The following PSD2 variants were observed in gnomAD, a reference collection of about 807,000 sequenced individuals.
PSD2 encodes pleckstrin and Sec7 domain containing 2, also known as PH and SEC7 domain-containing protein 2.
PSD2 carries 38 observed loss-of-function variants against 69.8 expected under a neutral mutation model. The ratio of observed to expected loss-of-function variants is 0.54; its 90% CI spans 0.42 to 0.71. PSD2 has a LOEUF of 0.71. Ranked by LOEUF, PSD2 falls within the 30% of genes least tolerant of loss-of-function variation. The pLI is 0.00. For synonymous variants in PSD2, 412 were observed against 423.0 expected (o/e 0.97, Z 0.32); for missense variants, 943 against 1,014.5 (o/e 0.93, Z 0.96).
chr5:139,770,401 C>G, the PSD2 span, among the ~76,000 whole-genome samples: 2 of 152,032 alleles, frequency 1.3e-5, no homozygotes, highest in African/African-American at 4.8e-5. Context: ...TACTAAAATA[C>G]AAAAATTAGC....
intron 7 of PSD2, among the ~76,000 whole-genome samples, chr5:139,824,394 G>GTTTTTTTTTTTTT (rs3055525): frequency 8.4e-6 from 1 of 119,430 alleles, no homozygotes; most frequent in Non-Finnish European, 1.7e-5. Context: ...TCTCTCTCTT[G>GTTTTTTTTTTTTT]TTTTTTTTTT....
the PSD2 span, among the ~76,000 whole-genome samples, chr5:139,781,336 CTCTT>C: frequency 6.6e-6 from 1 of 151,778 alleles, no homozygotes. Context: ...ACATATCTCT[CTCTT>C]TTTTTTTTTT....
the PSD2 span, among the ~76,000 whole-genome samples, chr5:139,761,720 C>T: frequency 6.6e-5 from 10 of 152,174 alleles, no homozygotes; most frequent in African/African-American, 2.2e-4. Flanking sequence ...TTAAATAGCC[C>T]ACCGGCCTCC....
At chr5:139,832,244 G>T (rs1339324180) in intron 7 of PSD2, among the ~76,000 whole-genome samples, 6 of 152,162 alleles carry the variant, frequency 3.9e-5, no homozygotes, top group African/African-American at 1.4e-4. Context: ...TACCAACATT[G>T]CCCTCATAAT....
the PSD2 span, among the ~76,000 whole-genome samples, chr5:139,771,580 G>T: frequency 3.9e-5 from 6 of 152,054 alleles, no homozygotes; most frequent in Admixed American, 2.0e-4. Context: ...GGGTTTCACC[G>T]TGTTAACTAG....
upstream of PSD2, among the ~76,000 whole-genome samples, chr5:139,795,629 C>T (rs951665556): frequency 6.6e-6 from 1 of 151,878 alleles, no homozygotes; most frequent in African/African-American, 2.4e-5. The surrounding 1 kb of genome is among the most constrained non-coding windows in gnomAD (Gnocchi z 4.5). Context: ...GCGCTCTCCC[C>T]GGCACGCTCG....
chr5:139,806,195 G>T (rs1303998786), intron 1 of PSD2, among the ~76,000 whole-genome samples: 2 of 152,258 alleles, frequency 1.3e-5, no homozygotes, highest in African/African-American at 4.8e-5. Context: ...CTTGGCCAAT[G>T]CCAGCCTGTC....
chr5:139,818,958 C>T (rs1387091575), intron 5 of PSD2, among the ~76,000 whole-genome samples: 1 of 152,188 alleles, frequency 6.6e-6, no homozygotes, highest in African/African-American at 2.4e-5. Context: ...ACCTTTCCCT[C>T]TCTTTTTTTG....
At chr5:139,838,562 G>A (rs1760794112) in intron 12 of PSD2, 66 bp from the exon 13 acceptor site, 4 of 1,562,522 alleles carry the variant, frequency 2.6e-6, no homozygotes, top group East Asian at 2.3e-5. Flanking sequence ...CTGGGTACGG[G>A]ATGCTGAGTA....
the PSD2 span, among the ~76,000 whole-genome samples, chr5:139,749,902 G>A: frequency 6.6e-6 from 1 of 152,234 alleles, no homozygotes; most frequent in Non-Finnish European, 1.5e-5. Context: ...ATGGTGGTGT[G>A]AGCATATAGT....
At chr5:139,773,423 T>C in the PSD2 span, among the ~76,000 whole-genome samples, 1 of 152,090 alleles carries the variant, frequency 6.6e-6, no homozygotes, top group Non-Finnish European at 1.5e-5. Flanking sequence ...CACCACACCC[T>C]GCTTTTTTTC....
At chr5:139,807,911 C>T (rs894082524) in intron 1 of PSD2, among the ~76,000 whole-genome samples, 12 of 152,210 alleles carry the variant, frequency 7.9e-5, no homozygotes, top group African/African-American at 2.4e-4. Context: ...GCTTCTGGTT[C>T]GGGAGGTCTG....
At chr5:139,841,640 G>T (rs562916265) in intron 14 of PSD2, among the ~76,000 whole-genome samples, 1 of 152,110 alleles carries the variant, frequency 6.6e-6, no homozygotes, top group African/African-American at 2.4e-5. Context: ...AGGGCACAAG[G>T]GTTCTGTCTA....
the PSD2 span, among the ~76,000 whole-genome samples, chr5:139,750,256 C>A: frequency 6.6e-6 from 1 of 152,102 alleles, no homozygotes; most frequent in Non-Finnish European, 1.5e-5. Context: ...ACCCAGGAGG[C>A]TGAGCTTGCA....
At chr5:139,809,873 G>A in intron 2 of PSD2, 62 bp downstream of exon 2, 3 of 1,546,764 alleles carry the variant, frequency 1.9e-6, no homozygotes, top group South Asian at 2.4e-5. Context: ...TGTGTGGCCT[G>A]GGCTTAGCCA....
chr5:139,795,193 C>T (rs192593183), upstream of PSD2, among the ~76,000 whole-genome samples: 1 of 152,248 alleles, frequency 6.6e-6, no homozygotes, highest in Non-Finnish European at 1.5e-5. This position sits in a 1 kb window ranked among gnomAD's most constrained non-coding sequence, Gnocchi z 4.5. Flanking sequence ...CACTCTGTCC[C>T]GAGGCTCCTT....
the PSD2 span, chr5:139,744,820 C>A: frequency 6.6e-6 from 1 of 152,410 alleles, no homozygotes; most frequent in Non-Finnish European, 1.5e-5. Context: ...GGCTCCCAGA[C>A]CACAGGCTGA....
At chr5:139,818,675 A>G (rs540006645) in intron 5 of PSD2, among the ~76,000 whole-genome samples, 37 of 152,202 alleles carry the variant, frequency 2.4e-4, no homozygotes, top group African/African-American at 8.9e-4. Flanking sequence ...TCTGTTTGTA[A>G]TATGTCATTA....
intron 14 of PSD2, 48 bp downstream of exon 14, chr5:139,840,218 T>C (rs771407586): frequency 6.2e-7 from 1 of 1,603,154 alleles, no homozygotes; most frequent in Non-Finnish European, 8.5e-7. Context: ...CTGCTCTTTC[T>C]CCTTCCTGCC....
Sources: gnomAD v4.1 joint callset for allele counts (sites outside exome capture counted in the v4.1 genomes callset) on GRCh38, gnomAD v4.1.1 for gene constraint, Gnocchi (gnomAD v3.1) non-coding constraint, MANE v1.5 for transcripts, NCBI Gene and HGNC (gene_info 2026-07-23, HGNC 2026-07-21) for gene names.